RUSC2: variants seen among roughly 807,000 people sequenced by gnomAD.
The protein encoded by RUSC2 is RUN and SH3 domain containing 2.
Under a neutral mutation model 122.2 loss-of-function variants are expected in RUSC2, and 34 were observed. The ratio of observed to expected loss-of-function variants is 0.28; its 90% CI spans 0.21 to 0.37. RUSC2 has a LOEUF of 0.37. RUSC2 is among the 10% of genes least tolerant of loss of function. RUSC2 has a pLI of 1.00. For synonymous variants in RUSC2, 784 were observed against 790.0 expected (o/e 0.99, Z 0.13); for missense variants, 1,747 against 1,952.4 (o/e 0.89, Z 1.98).
chr9:35,537,387 A>C (rs896627418), intron 1 of RUSC2, among the ~76,000 whole-genome samples: 9 of 152,234 alleles, frequency 5.9e-5, no homozygotes, highest in Admixed American at 5.2e-4. Flanking sequence ...AGAGGAAAGC[A>C]TAGTGACACC....
chr9:35,504,009 A>C (rs1820866061), intron 1 of RUSC2, among the ~76,000 whole-genome samples: 1 of 152,146 alleles, frequency 6.6e-6, no homozygotes, highest in South Asian at 2.1e-4. Flanking sequence ...TCCTGGCCTC[A>C]AGTGATCTGC....
At chr9:35,543,857 G>A (rs1162122864) in intron 1 of RUSC2, among the ~76,000 whole-genome samples, 1 of 152,210 alleles carries the variant, frequency 6.6e-6, no homozygotes. Flanking sequence ...AGCCCTTTGT[G>A]ACTGGCTTCG....
intron 1 of RUSC2, among the ~76,000 whole-genome samples, chr9:35,506,092 GA>G (rs1283600390): frequency 6.6e-6 from 1 of 152,130 alleles, no homozygotes; most frequent in East Asian, 1.9e-4. Context: ...AAATCTTAAG[GA>G]ATCCATAAAA....
intron 2 of RUSC2, chr9:35,549,069 A>G: frequency 3.0e-6 from 3 of 984,974 alleles, no homozygotes; most frequent in Non-Finnish European, 3.6e-6. Flanking sequence ...GAGGAGATAA[A>G]ATCAGCAGGA....
intron 1 of RUSC2, among the ~76,000 whole-genome samples, chr9:35,508,906 T>G (rs757918725): frequency 6.6e-6 from 1 of 152,198 alleles, no homozygotes; most frequent in East Asian, 1.9e-4. Flanking sequence ...GTCTACAAAT[T>G]GAAAGAGTCC....
chr9:35,547,173 A>G lies in RUSC2; in HGVS notation c.652A>G (p.Ser218Gly), dbSNP rs2132552320. The change falls in exon 2 of 12, where the codon AGC becomes GGC. Residue 218 changes from serine to glycine, a missense_variant. Ser to Gly is a moderately conservative substitution (Grantham distance 56, BLOSUM62 0). Coordinates refer to ENST00000361226, the MANE Select transcript of RUSC2 (RefSeq NM_014806.5). The surrounding 1 kb of genome is among the most constrained non-coding windows in gnomAD (Gnocchi z 4.6). ...PGGSGSGGGA[S>G]DTSGFSFDQE... ...TGGGAGTGGCAGTGGGGGTGGAGCC[A>G]GCGATACCTCTGGCTTTTCCTTTGA... 6.2e-7 allele frequency: 1 copy of G among 1,614,186 alleles called. No homozygotes were observed. The highest frequency in any genetic ancestry group is 8.5e-7 in the Non-Finnish European group (1 of 1,180,030).
chr9:35,532,751 C>CA (rs906444833), intron 1 of RUSC2, among the ~76,000 whole-genome samples: 89 of 138,394 alleles, frequency 6.4e-4, no homozygotes, highest in Middle Eastern at 3.9e-3. Flanking sequence ...TTAAATGTCT[C>CA]AAAAAAAAAA....
Position 35,558,107 on chromosome 9 carries a change from G to A in RUSC2, c.3061-90G>A. The A allele has an allele frequency of 6.3e-7, 1 of 1,587,478 alleles. No individual in the cohort carries two copies. Among genetic ancestry groups the A allele is most frequent in the Non-Finnish European group, 8.6e-7 (1 of 1,160,680 alleles). Reference sequence around the variant, plus strand: ...CCAGGGTTGGGTACTTAGGAATGGGGACGGCAAGAGGGGAACCATGAGGGC... The same window carrying A: ...CCAGGGTTGGGTACTTAGGAATGGGAACGGCAAGAGGGGAACCATGAGGGC... On this transcript the variant is annotated intron_variant, in intron 6 of 11. Transcript: ENST00000361226. The surrounding 1 kb of genome is among the most constrained non-coding windows in gnomAD (Gnocchi z 4.3).
intron 1 of RUSC2, among the ~76,000 whole-genome samples, chr9:35,519,181 C>T (rs1433825030): frequency 6.6e-6 from 1 of 152,242 alleles, no homozygotes; most frequent in Non-Finnish European, 1.5e-5. Flanking sequence ...CCTGAGGCCA[C>T]TCCTGGAGCA....
At chr9:35,524,360 A>G (rs1425758455) in intron 1 of RUSC2, among the ~76,000 whole-genome samples, 1 of 152,220 alleles carries the variant, frequency 6.6e-6, no homozygotes, top group Non-Finnish European at 1.5e-5. Flanking sequence ...TAACTGATTC[A>G]GATGAAACTC....
intron 1 of RUSC2, among the ~76,000 whole-genome samples, chr9:35,522,233 C>T (rs1473631539): frequency 6.6e-6 from 1 of 152,206 alleles, no homozygotes. Flanking sequence ...CATCTGTTTA[C>T]AAACATTTGA....
rs546695817 is a variant in RUSC2 at position 35,535,354 on chromosome 9, G to A, written c.-92-11076G>A. Among the ~76,000 whole-genome samples the A allele has an allele frequency of 7.8e-4, 118 of 151,742 alleles. 1 individual carries two copies. The highest frequency in any genetic ancestry group is 2.8e-3 in the African/African-American group (116 of 41,406). On this transcript the variant is annotated intron_variant, in intron 1 of 11. Coordinates refer to ENST00000361226, the MANE Select transcript of RUSC2 (RefSeq NM_014806.5). ...TGGTCTTGAACTCCTGACCTCAGGT[G>A]ATCTGCCCGCTTCGGCCCCCCAAAG... is the stretch of plus-strand genomic sequence containing the variant.
At chr9:35,508,198 T>C (rs147488352) in intron 1 of RUSC2, among the ~76,000 whole-genome samples, 3 of 152,264 alleles carry the variant, frequency 2.0e-5, no homozygotes, top group Non-Finnish European at 2.9e-5. Flanking sequence ...CATCCTCTCC[T>C]CTCTAGTTGG....
rs879742358 is a variant in RUSC2, at chr9:35,517,514, G to A, written c.-93+27342G>A. ...TCAGTGTCCTGGGCCCACAAACAGG[G>A]GAGAATTAGCTTTGTGGCTGCTAGA... On this transcript the variant is annotated intron_variant, in intron 1 of 11. Coordinates refer to ENST00000361226, the MANE Select transcript of RUSC2 (RefSeq NM_014806.5). Among the ~76,000 whole-genome samples the A allele has an allele frequency of 3.7e-4, 56 of 151,132 alleles. 1 individual carries two copies. The highest frequency in any genetic ancestry group is 3.6e-3 in the Admixed American group (55 of 15,212).
At position 35,560,572 on chromosome 9, in the gene RUSC2, C is replaced by G. The variant is rs1563876774; in HGVS notation, c.3932C>G (p.Pro1311Arg). ...EKKKGAGGGGPPQAPPPREGV... is the reference protein window; with the variant it reads ...EKKKGAGGGGRPQAPPPREGV... ...AAGAAAGGGGCAGGAGGTGGGGGACCTCCCCAGGCTCCACCACCCCGAGAG... is the reference window on the plus strand; with the variant it reads ...AAGAAAGGGGCAGGAGGTGGGGGACGTCCCCAGGCTCCACCACCCCGAGAG... Residue 1311 changes from proline to arginine, a missense_variant, in exon 10 of 12, where the codon CCT becomes CGT. Transcript: ENST00000361226. 1 of 1,614,052 alleles carries G rather than the reference C, an allele frequency of 6.2e-7. No individual in the cohort carries two copies. The highest frequency in any genetic ancestry group is 8.5e-7 in the Non-Finnish European group (1 of 1,179,964).
chr9:35,555,270 C>T lies in RUSC2; in HGVS notation c.2225C>T (p.Ser742Leu), dbSNP rs145369360. 8 of 1,613,444 alleles carry T rather than the reference C, an allele frequency of 5.0e-6. No individual in the cohort carries two copies. The highest frequency in any genetic ancestry group is 6.8e-6 in the Non-Finnish European group (8 of 1,180,012). ...CTGGCTGCCCCTGCTGCTCAAGTCTCAGTCCCAGCTCCCTCAGGGGAACCG... is the reference window on the plus strand; with the variant it reads ...CTGGCTGCCCCTGCTGCTCAAGTCTTAGTCCCAGCTCCCTCAGGGGAACCG... The part of the protein sequence containing the change: ...APLAAPAAQV[S>L]VPAPSGEPQA... Residue 742 changes from serine to leucine, a missense_variant, in exon 3 of 12, where the codon TCA becomes TTA. Ser to Leu is a moderately radical substitution (Grantham distance 145). Coordinates refer to ENST00000361226, the MANE Select transcript of RUSC2 (RefSeq NM_014806.5). This position sits in a 1 kb window ranked among gnomAD's most constrained non-coding sequence, Gnocchi z 4.6.
Position 35,548,232 on chromosome 9 carries a change from C to G in RUSC2, c.1711C>G (p.Gln571Glu). The G allele has an allele frequency of 6.2e-7, 1 of 1,613,618 alleles. No homozygotes were observed. The highest frequency in any genetic ancestry group is 8.5e-7 in the Non-Finnish European group (1 of 1,179,948). ...PLRVSVGDSS[Q>E]EFSPIQEAQQ... ...TCGTGTGAGTGTTGGGGACTCCTCC[C>G]AGGAGTTCTCACCCATCCAAGAAGC... Residue 571 changes from glutamine (Q) to glutamate (E), a missense_variant, in exon 2 of 12, where the codon CAG (glutamine) becomes GAG (glutamate). Physicochemically the swap from Gln to Glu is conservative, Grantham distance 29. Coordinates refer to ENST00000361226, the MANE Select transcript of RUSC2 (RefSeq NM_014806.5). The surrounding 1 kb of genome is among the most constrained non-coding windows in gnomAD (Gnocchi z 4.5).
chr9:35,527,134 C>T lies in RUSC2; in HGVS notation c.-92-19296C>T, dbSNP rs988273560. 8.1e-5 allele frequency among the ~76,000 whole-genome samples: 8 copies of T among 98,354 alleles called. No homozygotes were observed. The East Asian group carries it at 1.0e-3, about 13-fold the overall frequency. 64.5% of individuals were successfully genotyped at this position (98,354 alleles called of 152,430 possible). On this transcript the variant is annotated intron_variant, in intron 1 of 11. Coordinates refer to ENST00000361226, the MANE Select transcript of RUSC2 (RefSeq NM_014806.5). The stretch of plus-strand genomic sequence containing the variant: ...TTTTCTGCTGTTAAATTTGTCCTTT[C>T]GTTGTTTTTTTTTTCTTTTTTGAGA...
At position 35,490,310 on chromosome 9, in the gene RUSC2, G is replaced by T. The variant is rs550369645; in HGVS notation, c.-93+138G>T. On this transcript the variant is annotated intron_variant, in intron 1 of 11. Coordinates refer to ENST00000361226, the MANE Select transcript of RUSC2 (RefSeq NM_014806.5). Reference sequence around the variant, plus strand: ...CCTTCCCTTCAGCCCTTCCCCCTCGGCTGCACCCGCCCTCTGCGTCCGCCC... The same window carrying T: ...CCTTCCCTTCAGCCCTTCCCCCTCGTCTGCACCCGCCCTCTGCGTCCGCCC... The T allele has an allele frequency of 1.0e-4, 16 of 154,704 alleles. No individual in the cohort carries two copies. In the East Asian group the frequency reaches 1.5e-3, roughly 15 times the overall value. 9.6% of individuals were successfully genotyped at this position (154,704 alleles called of 1,614,324 possible).
Sources: gnomAD v4.1 joint callset for allele counts (sites outside exome capture counted in the v4.1 genomes callset) on GRCh38, gnomAD v4.1.1 for gene constraint, Gnocchi (gnomAD v3.1) non-coding constraint, MANE v1.5 for transcripts, NCBI Gene and HGNC (gene_info 2026-07-23, HGNC 2026-07-21) for gene names.